IKZF3: variants seen among roughly 807,000 people sequenced by gnomAD.
IKZF3 encodes zinc finger protein Aiolos.
In IKZF3, 10 loss-of-function variants were observed where a neutral mutation model predicts 49.0. That is an observed-to-expected ratio of 0.20 (90% CI 0.13 to 0.35). The LOEUF is 0.35. IKZF3 is among the 10% of genes least tolerant of loss of function. The pLI is 1.00. For synonymous variants in IKZF3, 209 were observed against 228.2 expected, an observed-to-expected ratio of 0.92 and a Z score of 0.76; for missense variants, 498 against 664.8, an observed-to-expected ratio of 0.75 and a Z score of 2.76.
At chr17:39,844,020 A>T (rs1023785114) in intron 1 of IKZF3, among the ~76,000 whole-genome samples, 9 of 152,194 alleles carry the variant, frequency 5.9e-5, no homozygotes, top group Non-Finnish European at 8.8e-5. Context: ...AAACTTGTTA[A>T]ATATTTCTAA....
intron 3 of IKZF3, among the ~76,000 whole-genome samples, chr17:39,811,591 C>T (rs2061562851): frequency 6.6e-6 from 1 of 152,202 alleles, no homozygotes; most frequent in Non-Finnish European, 1.5e-5. Flanking sequence ...TTATCCCATG[C>T]AATCCTTGGA....
chr17:39,859,376 T>A (rs1253947235), intron 1 of IKZF3, among the ~76,000 whole-genome samples: 1 of 149,164 alleles, frequency 6.7e-6, no homozygotes. Context: ...GTCATCCTTA[T>A]GATTTTTTTT....
intron 7 of IKZF3, among the ~76,000 whole-genome samples, chr17:39,775,065 C>T (rs192993751): frequency 6.6e-6 from 1 of 152,294 alleles, no homozygotes; most frequent in East Asian, 1.9e-4. Flanking sequence ...CCTCATTTCA[C>T]AGATGAGTAA....
At chr17:39,773,107 A>G (rs2060486146) in intron 7 of IKZF3, among the ~76,000 whole-genome samples, 1 of 152,112 alleles carries the variant, frequency 6.6e-6, no homozygotes, top group Non-Finnish European at 1.5e-5. Context: ...GAGCCACTGC[A>G]CCTGGCCTCT....
chr17:39,831,891 G>C (rs2062117998), intron 2 of IKZF3, among the ~76,000 whole-genome samples: 1 of 152,128 alleles, frequency 6.6e-6, no homozygotes, highest in East Asian at 1.9e-4. Context: ...ACATTAGGTA[G>C]TGTATGTTTG....
At chr17:39,846,494 T>G (rs573641447) in intron 1 of IKZF3, among the ~76,000 whole-genome samples, 41 of 147,980 alleles carry the variant, frequency 2.8e-4, no homozygotes, top group South Asian at 4.3e-4. Context: ...AAGGTTTTTT[T>G]TTTTTTTTTT....
chr17:39,813,270 C>T (rs1050826458), intron 3 of IKZF3, among the ~76,000 whole-genome samples: 13 of 150,626 alleles, frequency 8.6e-5, no homozygotes, highest in African/African-American at 1.5e-4. Flanking sequence ...CTACACATTC[C>T]TTTTAGTTTG....
chr17:39,784,342 A>T (rs12945567), intron 6 of IKZF3, among the ~76,000 whole-genome samples: 3,076 of 151,718 alleles, frequency 0.02, 108 homozygotes, highest in African/African-American at 0.071. Flanking sequence ...GAATTGGAAT[A>T]TTCTGATGGT....
At chr17:39,848,376 T>C (rs2062695838) in intron 1 of IKZF3, among the ~76,000 whole-genome samples, 1 of 152,218 alleles carries the variant, frequency 6.6e-6, no homozygotes, top group Non-Finnish European at 1.5e-5. Flanking sequence ...AAAACATACA[T>C]TCCAATTTTA....
intron 5 of IKZF3, among the ~76,000 whole-genome samples, chr17:39,790,407 G>C (rs1388968436): frequency 1.3e-5 from 2 of 152,176 alleles, no homozygotes; most frequent in Non-Finnish European, 2.9e-5. Flanking sequence ...CTGTAAAAGA[G>C]AGAAACCCTT....
intron 3 of IKZF3, among the ~76,000 whole-genome samples, chr17:39,828,666 T>C (rs1187537836): frequency 2.0e-5 from 3 of 152,072 alleles, no homozygotes; most frequent in Non-Finnish European, 4.4e-5. Context: ...GCCTGTAACC[T>C]GTGCGGTCTA....
chr17:39,778,283 T>A, intron 6 of IKZF3: 1 of 688,044 alleles, frequency 1.5e-6, no homozygotes, highest in Non-Finnish European at 1.8e-6. Flanking sequence ...ATTGAAATTC[T>A]GAGTGGTTTC....
intron 3 of IKZF3, among the ~76,000 whole-genome samples, chr17:39,827,971 G>A (rs1306013446): frequency 2.0e-5 from 3 of 152,196 alleles, no homozygotes; most frequent in African/African-American, 7.2e-5. Flanking sequence ...GGAAGAGGAG[G>A]TGGGGGAGGA....
At chr17:39,768,196 A>G (rs1350483687) in intron 7 of IKZF3, among the ~76,000 whole-genome samples, 1 of 152,202 alleles carries the variant, frequency 6.6e-6, no homozygotes, top group African/African-American at 2.4e-5. Context: ...CGGTGAGACA[A>G]TTTGGTATAA....
chr17:39,860,117 A>G (rs2063175816), intron 1 of IKZF3, among the ~76,000 whole-genome samples: 1 of 152,136 alleles, frequency 6.6e-6, no homozygotes, highest in Non-Finnish European at 1.5e-5. Context: ...TTTGTACAAT[A>G]AATTACCAGG....
intron 1 of IKZF3, among the ~76,000 whole-genome samples, chr17:39,834,241 T>A: frequency 6.6e-6 from 1 of 152,340 alleles, no homozygotes; most frequent in Middle Eastern, 3.4e-3. Flanking sequence ...AGGAGGCATA[T>A]ATCTAGTTTC....
intron 3 of IKZF3, among the ~76,000 whole-genome samples, chr17:39,802,386 C>T (rs371732481): frequency 2.6e-5 from 4 of 151,542 alleles, no homozygotes; most frequent in South Asian, 4.2e-4. Flanking sequence ...GTGGGAGGAT[C>T]GCTTGGGCCC....
At chr17:39,795,045 T>C (rs117028902) in intron 3 of IKZF3, among the ~76,000 whole-genome samples, 1 of 152,230 alleles carries the variant, frequency 6.6e-6, no homozygotes, top group African/African-American at 2.4e-5. Flanking sequence ...CTCAGGCCAC[T>C]CCATGGTCAC....
Position 39,760,309 on chromosome 17 carries a change from A to G in IKZF3, c.*5481T>C, listed in dbSNP as rs543419560. 4 of 147,606 alleles carry G rather than the reference A, an allele frequency of 2.7e-5. No individual in the cohort carries two copies. The South Asian group carries it at 6.4e-4, about 24-fold the overall frequency. 9.1% of individuals were successfully genotyped at this position (147,606 alleles called of 1,614,324 possible). On this transcript the variant is annotated 3_prime_UTR_variant, in exon 8 of 8. Coordinates refer to ENST00000346872, the MANE Select transcript of IKZF3 (RefSeq NM_012481.5). Reference sequence around the variant, plus strand: ...GTAGCTGGGATTACAGGTGTGCACCACCACACCCAGCTAATTTTTGTATTT... The same window carrying G: ...GTAGCTGGGATTACAGGTGTGCACCGCCACACCCAGCTAATTTTTGTATTT...
Sources: gnomAD v4.1 joint callset for allele counts (sites outside exome capture counted in the v4.1 genomes callset) on GRCh38, gnomAD v4.1.1 for gene constraint, MANE v1.5 for transcripts, NCBI Gene and HGNC (gene_info 2026-07-23, HGNC 2026-07-21) for gene names.